EEA1: variants seen among roughly 807,000 people sequenced by gnomAD.
EEA1 encodes the protein early endosome antigen 1.
Under a neutral mutation model 209.2 loss-of-function variants are expected in EEA1, and 111 were observed. That is an observed-to-expected ratio of 0.53 (90% CI 0.45 to 0.62). EEA1 has a LOEUF of 0.62. Ranked by LOEUF, EEA1 falls within the 20% of genes least tolerant of loss-of-function variation. The probability of loss-of-function intolerance (pLI) is 0.00; values close to 1 mark genes in which losing one functional copy is unlikely to be tolerated. For synonymous variants in EEA1, 536 were observed against 540.6 expected (o/e 0.99, Z 0.12); for missense variants, 1,343 against 1,530.8 (o/e 0.88, Z 2.05).
In EEA1 at chr12:92,877,007, G is replaced by A. The variant is rs191810096; in HGVS notation, c.118-12020C>T. ...CACCTAGACTGGTGTGCAGTGGCACGAACTCAGCTCACTGCAACCTCTGCC... is the reference window on the plus strand; with the variant it reads ...CACCTAGACTGGTGTGCAGTGGCACAAACTCAGCTCACTGCAACCTCTGCC... On this transcript the variant is annotated intron_variant, in intron 2 of 28. Coordinates refer to ENST00000322349, the MANE Select transcript of EEA1 (RefSeq NM_003566.4). Among the ~76,000 whole-genome samples, 370 of 149,868 alleles carry A rather than the reference G, an allele frequency of 2.5e-3. 1 individual carries two copies. The highest frequency in any genetic ancestry group is 3.7e-3 in the Non-Finnish European group (251 of 67,534).
At chr12:92,891,847 T>C in intron 1 of EEA1, 126 bp from the exon 2 acceptor site, 1 of 594,720 alleles carries the variant, frequency 1.7e-6, no homozygotes, top group Non-Finnish European at 2.9e-6. Context: ...ATAACAGTAC[T>C]AACAGTATCA....
intron 10 of EEA1, chr12:92,835,399 C>G (rs927989170): frequency 1.7e-5 from 4 of 236,600 alleles, no homozygotes; most frequent in Non-Finnish European, 3.6e-5. Flanking sequence ...TAGTTTCACT[C>G]CTTTTTTTTT....
At chr12:92,822,935 C>T (rs976696179) in intron 13 of EEA1, among the ~76,000 whole-genome samples, 16 of 152,172 alleles carry the variant, frequency 1.1e-4, no homozygotes, top group African/African-American at 3.6e-4. Context: ...CCTCCACTTA[C>T]CATGCATCCA....
chr12:92,899,407 T>C (rs1338008837), intron 1 of EEA1, among the ~76,000 whole-genome samples: 1 of 152,216 alleles, frequency 6.6e-6, no homozygotes, highest in Non-Finnish European at 1.5e-5. Context: ...GAGCACTACC[T>C]CCTGCCTCAG....
intron 11 of EEA1, among the ~76,000 whole-genome samples, chr12:92,831,264 C>T (rs865863487): frequency 3.9e-4 from 59 of 151,952 alleles, no homozygotes; most frequent in African/African-American, 1.4e-3. Context: ...TTTCCATTTT[C>T]AACCAATTTT....
At chr12:92,838,447 A>T (rs1592729840) in intron 10 of EEA1, among the ~76,000 whole-genome samples, 1 of 152,210 alleles carries the variant, frequency 6.6e-6, no homozygotes, top group Admixed American at 6.5e-5. Flanking sequence ...ATTAAAAATC[A>T]AACAGAGGGA....
chr12:92,896,120 C>G (rs905401191), intron 1 of EEA1, among the ~76,000 whole-genome samples: 1 of 151,934 alleles, frequency 6.6e-6, no homozygotes, highest in South Asian at 2.1e-4. Context: ...ACTACAGGTA[C>G]GTGCCACCAC....
intron 22 of EEA1, among the ~76,000 whole-genome samples, chr12:92,782,984 C>T (rs1050243514): frequency 3.3e-5 from 5 of 152,244 alleles, no homozygotes; most frequent in Non-Finnish European, 5.9e-5. Context: ...CTCTGTGCCC[C>T]TTCCCCCATA....
chr12:92,848,776 A>G (rs1040778891), intron 9 of EEA1, among the ~76,000 whole-genome samples: 6 of 114,010 alleles, frequency 5.3e-5, no homozygotes, highest in African/African-American at 2.0e-4. Context: ...TCTATCGCCC[A>G]GGCTAGAGTG....
intron 7 of EEA1, 43 bp downstream of exon 7, chr12:92,852,869 A>T: frequency 7.2e-7 from 1 of 1,397,180 alleles, no homozygotes. Context: ...GCAAAAAGGT[A>T]ATGAGATTGA....
At chr12:92,787,724 A>T in intron 22 of EEA1, 143 bp downstream of exon 22, 1 of 614,672 alleles carries the variant, frequency 1.6e-6, no homozygotes, top group Non-Finnish European at 2.4e-6. Context: ...AAAGCATGCT[A>T]ATACAAAATA....
intron 5 of EEA1, 92 bp downstream of exon 5, chr12:92,857,183 C>T (rs374661390): frequency 2.0e-5 from 18 of 905,218 alleles, no homozygotes; most frequent in Middle Eastern, 3.7e-4. Flanking sequence ...TATATCAGGC[C>T]GCCACCTGCT....
intron 1 of EEA1, among the ~76,000 whole-genome samples, chr12:92,912,903 A>T (rs1041093492): frequency 8.5e-5 from 13 of 152,252 alleles, no homozygotes; most frequent in African/African-American, 3.1e-4. Flanking sequence ...GCAGTATTCC[A>T]TGGTATACAG....
chr12:92,900,272 C>A (rs1245479233), intron 1 of EEA1, among the ~76,000 whole-genome samples: 1 of 152,108 alleles, frequency 6.6e-6, no homozygotes, highest in African/African-American at 2.4e-5. Flanking sequence ...ATTCAATGGC[C>A]TTCAGAAATA....
In EEA1 at chr12:92,779,193, A is replaced by C; in HGVS notation, c.3576T>G (p.Asn1192Lys). Residue 1192 changes from asparagine (N) to lysine (K), a missense_variant, in exon 25 of 29, where the codon AAT becomes AAG. Coordinates refer to ENST00000322349, the MANE Select transcript of EEA1 (RefSeq NM_003566.4). ...TCACCTGGTCTTTTAGTATCTGCTG[A>C]TTTCTCTTCTCCTGTTCAACAGCTG... is the stretch of plus-strand genomic sequence containing the variant. ...LKAAVEQEKR[N>K]QQILKDQVKK... The C allele has an allele frequency of 6.2e-7, 1 of 1,611,300 alleles. No homozygotes were observed. Among genetic ancestry groups the C allele is most frequent in the Non-Finnish European group, 8.5e-7 (1 of 1,179,226 alleles).
rs192490638 is a variant in EEA1, at chr12:92,892,629, T to C, written c.25-908A>G. Among the ~76,000 whole-genome samples the C allele has an allele frequency of 4.7e-4, 71 of 151,420 alleles. 1 individual carries two copies. In the East Asian group the frequency reaches 9.1e-3, roughly 19 times the overall value. On this transcript the variant is annotated intron_variant, in intron 1 of 28. Coordinates refer to ENST00000322349, the MANE Select transcript of EEA1 (RefSeq NM_003566.4). ...TCACTCTGTCATCCAGGCTGGAGCA[T>C]AGTGGCACGATCTTGGCTCATTGCA...
At chr12:92,819,532 C>T in intron 13 of EEA1, 21 bp from the exon 14 acceptor site, 1 of 1,526,716 alleles carries the variant, frequency 6.6e-7, no homozygotes, top group South Asian at 1.3e-5. Context: ...TTGAAAACTA[C>T]TACTTTAAGA....
chr12:92,817,150 C>T (rs778732541), intron 14 of EEA1, among the ~76,000 whole-genome samples: 3 of 151,104 alleles, frequency 2.0e-5, no homozygotes, highest in Non-Finnish European at 2.9e-5. Context: ...CTTATGCTAG[C>T]TTACATAATA....
intron 18 of EEA1, among the ~76,000 whole-genome samples, chr12:92,803,333 T>C (rs1052362007): frequency 5.3e-5 from 8 of 152,094 alleles, no homozygotes; most frequent in Non-Finnish European, 7.4e-5. Flanking sequence ...TTCCTTAATA[T>C]AGTTCTCTTA....
Sources: allele counts gnomAD v4.1 joint callset (sites outside exome capture counted in the v4.1 genomes callset), GRCh38; gene constraint gnomAD v4.1.1; transcripts MANE v1.5; gene names NCBI Gene and HGNC (gene_info 2026-07-23, HGNC 2026-07-21).